NCS1: variants seen among roughly 807,000 people sequenced by gnomAD.
NCS1 encodes neuronal calcium sensor 1, also known as frequenin homolog.
In NCS1, 6 loss-of-function variants were observed where a neutral mutation model predicts 28.4. That is an observed-to-expected ratio of 0.21 (90% CI 0.12 to 0.42). NCS1 has a LOEUF of 0.42. NCS1 is among the 10% of genes least tolerant of loss of function. The pLI is 1.00. For missense variants in NCS1, 131 were observed against 241.4 expected (o/e 0.54, Z 3.03); for synonymous variants, 86 against 99.3 (o/e 0.87, Z 0.79).
At chr9:130,174,316 C>T (rs1277569382) in intron 1 of NCS1, among the ~76,000 whole-genome samples, 2 of 152,304 alleles carry the variant, frequency 1.3e-5, no homozygotes, top group Admixed American at 1.3e-4. Context: ...GCTCATCGAG[C>T]ATGTCACGTG....
At chr9:130,193,564 C>T (rs934557160) in intron 1 of NCS1, among the ~76,000 whole-genome samples, 3 of 151,602 alleles carry the variant, frequency 2.0e-5, no homozygotes, top group East Asian at 2.0e-4. Flanking sequence ...GAGGCCCGGG[C>T]GATCCCTTTG....
At chr9:130,204,917 A>C (rs7024495) in intron 2 of NCS1, among the ~76,000 whole-genome samples, 1 of 151,534 alleles carries the variant, frequency 6.6e-6, no homozygotes, top group Admixed American at 6.6e-5. Context: ...ACTTTTGTTT[A>C]CTCATCAAGC....
rs546001185 is a variant in NCS1, at chr9:130,226,916, G to A, written c.*17+412G>A. Among the ~76,000 whole-genome samples the A allele has an allele frequency of 2.0e-5, 3 of 151,750 alleles. No individual in the cohort carries two copies. Among genetic ancestry groups the A allele is most frequent in the African/African-American group, 7.2e-5 (3 of 41,382 alleles). ...GGTGCGCACCTAGTCTCAGCTACTT[G>A]GGAGGCTGAGGCAGGAGAACCGCTT... On this transcript the variant is annotated intron_variant, in intron 7 of 7. Transcript: ENST00000372398. The surrounding 1 kb of genome is among the most constrained non-coding windows in gnomAD (Gnocchi z 4.8).
In NCS1 at chr9:130,189,858, C is replaced by CAAAAAAAA. The variant is rs869189538; in HGVS notation, c.65-11085_65-11078dup. 2.6e-4 allele frequency among the ~76,000 whole-genome samples: 11 copies of CAAAAAAAA among 43,112 alleles called. 1 individual carries two copies. The highest frequency in any genetic ancestry group is 3.7e-4 in the Admixed American group (1 of 2,696). 28.3% of individuals were successfully genotyped at this position (43,112 alleles called of 152,430 possible). A position where few individuals can be genotyped will look rare whatever the true frequency, so the allele number is the denominator to read the frequency against. Reference sequence around the variant, plus strand: ...CAGAGCTAGAAGATAGACTCCATCTCAAAAAAAAAAAAAAAAAAAAAATAT... The same window carrying CAAAAAAAA: ...CAGAGCTAGAAGATAGACTCCATCTCAAAAAAAAAAAAAAAAAAAAAAAAAAAAAATAT... On this transcript the variant is annotated intron_variant, in intron 1 of 7. Coordinates refer to ENST00000372398, the MANE Select transcript of NCS1 (RefSeq NM_014286.4).
intron 1 of NCS1, among the ~76,000 whole-genome samples, chr9:130,185,683 G>A (rs1832728169): frequency 6.6e-6 from 1 of 152,256 alleles, no homozygotes; most frequent in South Asian, 2.1e-4. Flanking sequence ...GCACTGTGGG[G>A]GAAACAGCGA....
chr9:130,192,640 C>T lies in NCS1; in HGVS notation c.65-8318C>T, dbSNP rs1441126616. On this transcript the variant is annotated intron_variant, in intron 1 of 7. Coordinates refer to ENST00000372398, the MANE Select transcript of NCS1 (RefSeq NM_014286.4). The surrounding 1 kb of genome is among the most constrained non-coding windows in gnomAD (Gnocchi z 4.8). The stretch of plus-strand genomic sequence containing the variant: ...AAGGTGGGCAGCCAGGACTCCCTGC[C>T]CACCCAGGAACACCAGCATATATCC... Among the ~76,000 whole-genome samples, 2 of 152,020 alleles carry T rather than the reference C, an allele frequency of 1.3e-5. No homozygotes were observed. Among genetic ancestry groups the T allele is most frequent in the African/African-American group, 4.8e-5 (2 of 41,370 alleles).
intron 2 of NCS1, among the ~76,000 whole-genome samples, chr9:130,203,793 A>G (rs2131138009): frequency 6.6e-6 from 1 of 152,104 alleles, no homozygotes; most frequent in East Asian, 1.9e-4. Flanking sequence ...TCATTCTCAC[A>G]ATGACCCAGA....
At chr9:130,188,657 C>T (rs1214902659) in intron 1 of NCS1, among the ~76,000 whole-genome samples, 1 of 151,736 alleles carries the variant, frequency 6.6e-6, no homozygotes, top group African/African-American at 2.4e-5. Context: ...ATTCACCCGC[C>T]TTCTTGGCCT....
chr9:130,197,195 G>A (rs964665737), intron 1 of NCS1, among the ~76,000 whole-genome samples: 8 of 152,184 alleles, frequency 5.3e-5, no homozygotes, highest in East Asian at 1.9e-4. Context: ...GATCAAGGAC[G>A]GTGGCTTTTT....
In NCS1 at chr9:130,198,691, C is replaced by G. The variant is rs1257509229; in HGVS notation, c.65-2267C>G. Among the ~76,000 whole-genome samples the G allele has an allele frequency of 2.0e-5, 3 of 152,218 alleles. No individual in the cohort carries two copies. In the East Asian group the frequency reaches 5.8e-4, roughly 29 times the overall value. ...CAAGCACTTCAGTTTTCCCAACAAT[C>G]CCATTTCACAGATGAGAAAACTGAG... On this transcript the variant is annotated intron_variant, in intron 1 of 7. Transcript: ENST00000372398.
At chr9:130,197,755 G>T (rs56246160) in intron 1 of NCS1, among the ~76,000 whole-genome samples, 1,741 of 152,246 alleles carry the variant, frequency 0.011, 28 homozygotes, top group African/African-American at 0.039. Flanking sequence ...TTGAGATGAG[G>T]AGCTTGAGAC....
chr9:130,229,738 G>C (rs1471835679), intron 7 of NCS1, among the ~76,000 whole-genome samples: 1 of 152,196 alleles, frequency 6.6e-6, no homozygotes, highest in Non-Finnish European at 1.5e-5. Context: ...GCTCTGCTGG[G>C]AAATGGCCTT....
At chr9:130,225,726 G>A (rs1338964470) in intron 6 of NCS1, among the ~76,000 whole-genome samples, 5 of 152,232 alleles carry the variant, frequency 3.3e-5, no homozygotes, top group African/African-American at 1.2e-4. Context: ...CGCAGCGAGC[G>A]ATCCCTGAGC....
intron 1 of NCS1, among the ~76,000 whole-genome samples, chr9:130,187,357 C>T (rs1400400507): frequency 6.6e-6 from 1 of 152,122 alleles, no homozygotes; most frequent in Non-Finnish European, 1.5e-5. Context: ...TCACTCTGTG[C>T]CTCCTCCAGG....
At chr9:130,184,349 A>G (rs1172495161) in intron 1 of NCS1, among the ~76,000 whole-genome samples, 2 of 152,012 alleles carry the variant, frequency 1.3e-5, no homozygotes, top group African/African-American at 4.8e-5. Context: ...TCTACTGGTT[A>G]GTTCTGGGAC....
intron 1 of NCS1, among the ~76,000 whole-genome samples, chr9:130,196,970 C>T (rs1347991231): frequency 1.3e-5 from 2 of 152,224 alleles, no homozygotes; most frequent in Non-Finnish European, 2.9e-5. Flanking sequence ...AATCCTCCAA[C>T]TTGCTTTGCC....
chr9:130,194,154 T>C (rs1177037943), intron 1 of NCS1, among the ~76,000 whole-genome samples: 1 of 152,218 alleles, frequency 6.6e-6, no homozygotes, highest in African/African-American at 2.4e-5. Context: ...GCTCCCACCA[T>C]GTTTGAGCTG....
chr9:130,227,721 A>C (rs1833436197), intron 7 of NCS1, among the ~76,000 whole-genome samples: 1 of 152,224 alleles, frequency 6.6e-6, no homozygotes, highest in African/African-American at 2.4e-5. Context: ...GTGCTAGGTT[A>C]GTTATCCATT....
chr9:130,220,966 C>G (rs1833276339), intron 4 of NCS1, among the ~76,000 whole-genome samples: 1 of 152,046 alleles, frequency 6.6e-6, no homozygotes, highest in African/African-American at 2.4e-5. Context: ...CTCCCACGCA[C>G]TCAGCTCCAG....
Sources: allele counts gnomAD v4.1 joint callset (sites outside exome capture counted in the v4.1 genomes callset), GRCh38; gene constraint gnomAD v4.1.1; non-coding constraint Gnocchi (gnomAD v3.1); transcripts MANE v1.5; gene names NCBI Gene and HGNC (gene_info 2026-07-23, HGNC 2026-07-21).